CACNG2: variants seen among roughly 807,000 people sequenced by gnomAD.
CACNG2 encodes the protein calcium voltage-gated channel auxiliary subunit gamma 2, also known as voltage-dependent calcium channel gamma-2 subunit.
A neutral mutation model predicts 25.9 loss-of-function variants in CACNG2; 3 were observed. The observed-to-expected ratio is 0.12, with a 90% confidence interval of 0.05 to 0.30. CACNG2 has a LOEUF of 0.30. CACNG2 is among the 10% of genes least tolerant of loss of function. The pLI is 1.00. For missense variants in CACNG2, 341 were observed against 432.5 expected (o/e 0.79, Z 1.88); for synonymous variants, 167 against 173.3 (o/e 0.96, Z 0.29).
At chr22:36,617,989 A>G (rs1293074650) in intron 1 of CACNG2, among the ~76,000 whole-genome samples, 2 of 152,178 alleles carry the variant, frequency 1.3e-5, no homozygotes, top group African/African-American at 4.8e-5. Context: ...CAGCTAATCA[A>G]TAAACATGTG....
intron 1 of CACNG2, among the ~76,000 whole-genome samples, chr22:36,588,722 A>G (rs1393064662): frequency 6.6e-6 from 1 of 152,186 alleles, no homozygotes; most frequent in Non-Finnish European, 1.5e-5. Context: ...GTGGAGGTTC[A>G]CTGAGCTGAT....
chr22:36,672,047 T>C (rs1043968383), intron 1 of CACNG2, among the ~76,000 whole-genome samples: 12 of 152,036 alleles, frequency 7.9e-5, no homozygotes, highest in South Asian at 4.2e-4. Context: ...GGTAAAGATA[T>C]CTCCTCAGAC....
chr22:36,681,973 G>A (rs965487151), intron 1 of CACNG2, among the ~76,000 whole-genome samples: 2 of 152,132 alleles, frequency 1.3e-5, no homozygotes, highest in Admixed American at 1.3e-4. Context: ...TGCTCTCAGG[G>A]ACCAACTCTC....
At position 36,564,470 on chromosome 22, in the gene CACNG2, T is replaced by C; in HGVS notation, c.853A>G (p.Thr285Ala). ...TCCCTGTCGGAGTTGTAGGTGGCGG[T>C]GGGCGTGGTGGCGGCCTTCAGGGGG... ...RDPLKAATTP[T>A]ATYNSDRDNS... Residue 285 changes from threonine to alanine, a missense_variant, in exon 4 of 4, where the codon ACC becomes GCC. Around this residue, in one of 2 missense-constraint regions of CACNG2, gnomAD observed 172 missense variants for 178.1 expected, o/e 0.97. Transcript: ENST00000300105. This position sits in a 1 kb window ranked among gnomAD's most constrained non-coding sequence, Gnocchi z 6.7. 2 of 1,614,036 alleles carry C rather than the reference T, an allele frequency of 1.2e-6. No homozygotes were observed. The highest frequency in any genetic ancestry group is 2.2e-5 in the South Asian group (2 of 91,080).
At chr22:36,640,543 C>A (rs1936427600) in intron 1 of CACNG2, among the ~76,000 whole-genome samples, 1 of 152,172 alleles carries the variant, frequency 6.6e-6, no homozygotes, top group Non-Finnish European at 1.5e-5. Flanking sequence ...AGCCAGCTGG[C>A]CTTGGCTGAC....
chr22:36,641,313 G>A (rs549926888), intron 1 of CACNG2, among the ~76,000 whole-genome samples: 1 of 152,342 alleles, frequency 6.6e-6, no homozygotes, highest in South Asian at 2.1e-4. Flanking sequence ...ACCTAGCACA[G>A]TGCCTGGCTC....
intron 1 of CACNG2, among the ~76,000 whole-genome samples, chr22:36,630,352 A>C (rs1175597106): frequency 6.6e-6 from 1 of 152,134 alleles, no homozygotes; most frequent in African/African-American, 2.4e-5. Context: ...CTTATCCACA[A>C]AAGGGTTTGA....
intron 1 of CACNG2, among the ~76,000 whole-genome samples, chr22:36,594,647 G>A (rs975336259): frequency 1.3e-5 from 2 of 152,106 alleles, no homozygotes; most frequent in Non-Finnish European, 2.9e-5. Context: ...GGAGAAGTCA[G>A]CCTGATGAAG....
intron 1 of CACNG2, among the ~76,000 whole-genome samples, chr22:36,642,326 G>T (rs1446645932): frequency 6.6e-6 from 1 of 152,182 alleles, no homozygotes; most frequent in Non-Finnish European, 1.5e-5. Flanking sequence ...CTGTGCTCTG[G>T]TTGGGGATTT....
intron 1 of CACNG2, among the ~76,000 whole-genome samples, chr22:36,592,234 G>A (rs5995317): frequency 0.036 from 5,434 of 149,846 alleles, 359 homozygotes; most frequent in African/African-American, 0.13. Flanking sequence ...CAGTGCAAAG[G>A]CGGGGGTGGG....
At chr22:36,628,992 A>G (rs1936227615) in intron 1 of CACNG2, among the ~76,000 whole-genome samples, 1 of 152,186 alleles carries the variant, frequency 6.6e-6, no homozygotes, top group Non-Finnish European at 1.5e-5. Context: ...CATAAATAAA[A>G]AAAAACTGAC....
chr22:36,614,886 A>G (rs1936000908), intron 1 of CACNG2, among the ~76,000 whole-genome samples: 1 of 152,240 alleles, frequency 6.6e-6, no homozygotes, highest in African/African-American at 2.4e-5. Flanking sequence ...CTTACTGCAC[A>G]TGGAGAAAGA....
At chr22:36,667,554 G>C (rs1039580763) in intron 1 of CACNG2, among the ~76,000 whole-genome samples, 5 of 152,198 alleles carry the variant, frequency 3.3e-5, no homozygotes, top group Non-Finnish European at 7.3e-5. Flanking sequence ...AGCACAGGCT[G>C]GATGGGGACT....
At chr22:36,630,652 C>T (rs1420915530) in intron 1 of CACNG2, among the ~76,000 whole-genome samples, 3 of 152,168 alleles carry the variant, frequency 2.0e-5, no homozygotes, top group East Asian at 1.9e-4. Context: ...CTTTACAAAG[C>T]GAAGCAACAC....
intron 1 of CACNG2, among the ~76,000 whole-genome samples, chr22:36,618,155 G>A (rs867895502): frequency 1.1e-4 from 17 of 152,324 alleles, no homozygotes; most frequent in African/African-American, 4.1e-4. Flanking sequence ...CCTCTTCTCT[G>A]TGACTTTGCT....
At chr22:36,662,147 T>C (rs796933977) in intron 1 of CACNG2, among the ~76,000 whole-genome samples, 11 of 151,624 alleles carry the variant, frequency 7.3e-5, no homozygotes, top group African/African-American at 2.2e-4. Context: ...CCTGGCCAAT[T>C]TTTTTTGTAT....
chr22:36,566,141 T>C (rs2145904951), intron 3 of CACNG2, among the ~76,000 whole-genome samples: 1 of 152,242 alleles, frequency 6.6e-6, no homozygotes, highest in East Asian at 1.9e-4. Context: ...AGATGGGGTG[T>C]GGGGATGCTC....
chr22:36,653,871 TA>T (rs1170591209), intron 1 of CACNG2, among the ~76,000 whole-genome samples: 1 of 151,376 alleles, frequency 6.6e-6, no homozygotes, highest in Non-Finnish European at 1.5e-5. Context: ...ATTCCCACAT[TA>T]TAAGAGAGAG....
At chr22:36,685,916 T>C (rs1395484103) in intron 1 of CACNG2, among the ~76,000 whole-genome samples, 4 of 152,242 alleles carry the variant, frequency 2.6e-5, no homozygotes, top group African/African-American at 4.8e-5. Flanking sequence ...TCTGACTGAT[T>C]GGCCTATCCC....
Sources: allele counts gnomAD v4.1 joint callset (sites outside exome capture counted in the v4.1 genomes callset), GRCh38; gene constraint gnomAD v4.1.1; regional missense constraint gnomAD v4.1.1; non-coding constraint Gnocchi (gnomAD v3.1); transcripts MANE v1.5; gene names NCBI Gene and HGNC (gene_info 2026-07-23, HGNC 2026-07-21).